KCNN2: variants seen among roughly 807,000 people sequenced by gnomAD.
KCNN2 encodes the protein potassium calcium-activated channel subfamily N member 2, also known as small conductance calcium-activated potassium channel protein 2.
In KCNN2, 24 loss-of-function variants were observed where a neutral mutation model predicts 55.5. The observed-to-expected ratio is 0.43, with a 90% CI of 0.31 to 0.61. The LOEUF (loss-of-function observed/expected upper bound fraction) is 0.61, where lower values mean the gene tolerates loss of function less well. KCNN2 is among the 20% of genes least tolerant of loss of function. The pLI, the probability that KCNN2 is intolerant of heterozygous loss-of-function variation, is 0.08. For synonymous variants in KCNN2, 431 were observed against 336.1 expected (o/e 1.28, Z -3.09); for missense variants, 754 against 853.6 (o/e 0.88, Z 1.45).
At chr5:114,157,493 T>C (rs1752661491) in intron 1 of KCNN2, among the ~76,000 whole-genome samples, 1 of 152,210 alleles carries the variant, frequency 6.6e-6, no homozygotes, top group South Asian at 2.1e-4. Context: ...TATAGCAGCA[T>C]GATTTATAAT....
intron 2 of KCNN2, among the ~76,000 whole-genome samples, chr5:114,226,610 A>G (rs1754241275): frequency 6.6e-6 from 1 of 152,166 alleles, no homozygotes; most frequent in Non-Finnish European, 1.5e-5. Flanking sequence ...ACTGTCATGT[A>G]AAGAAATATT....
intron 2 of KCNN2, among the ~76,000 whole-genome samples, chr5:114,229,517 T>TA (rs1018256994): frequency 7.9e-5 from 12 of 152,136 alleles, no homozygotes; most frequent in Middle Eastern, 3.4e-3. Flanking sequence ...AGTTTTTCCT[T>TA]AAAAAATTCT....
intron 2 of KCNN2, among the ~76,000 whole-genome samples, chr5:114,292,133 C>T (rs1302009536): frequency 1.3e-5 from 2 of 152,140 alleles, no homozygotes; most frequent in East Asian, 1.9e-4. Context: ...TTCTCCCATT[C>T]TGTAGGTTGC....
intron 2 of KCNN2, among the ~76,000 whole-genome samples, chr5:114,265,612 G>A (rs185403763): frequency 8.9e-4 from 136 of 152,174 alleles, no homozygotes; most frequent in Non-Finnish European, 1.3e-3. Context: ...TGTATTCTTT[G>A]GTCTTTGATT....
At chr5:114,238,134 A>T (rs1335400330) in intron 2 of KCNN2, among the ~76,000 whole-genome samples, 2 of 152,214 alleles carry the variant, frequency 1.3e-5, no homozygotes, top group Non-Finnish European at 2.9e-5. Flanking sequence ...TCACATGCAG[A>T]AGGGCAGAGT....
intron 2 of KCNN2, among the ~76,000 whole-genome samples, chr5:114,345,308 A>C (rs1757086595): frequency 6.6e-6 from 1 of 152,254 alleles, no homozygotes; most frequent in Admixed American, 6.5e-5. Context: ...AGCAGAATCT[A>C]ATAAAATTGG....
chr5:114,182,245 T>C (rs1753254852), intron 1 of KCNN2, among the ~76,000 whole-genome samples: 1 of 152,138 alleles, frequency 6.6e-6, no homozygotes, highest in African/African-American at 2.4e-5. Context: ...CTTTGTTTCA[T>C]TGATCTAGTT....
chr5:114,127,296 CT>C (rs1246735418), intron 1 of KCNN2, among the ~76,000 whole-genome samples: 4 of 152,208 alleles, frequency 2.6e-5, no homozygotes, highest in Non-Finnish European at 4.4e-5. Flanking sequence ...GGCTCTACCC[CT>C]GAAACAGACT....
In KCNN2 at chr5:114,335,900, A is replaced by G. The variant is rs535803620; in HGVS notation, c.-184-25045A>G. Among the ~76,000 whole-genome samples the G allele has an allele frequency of 1.4e-4, 22 of 152,348 alleles. No homozygotes were observed. The South Asian group carries it at 3.3e-3, about 23-fold the overall frequency. ...GTTTCAGAAACTACGAGGTCATGTGAGATTAAGAATGAGAAAAAGTCTTTA... is the reference window on the plus strand; with the variant it reads ...GTTTCAGAAACTACGAGGTCATGTGGGATTAAGAATGAGAAAAAGTCTTTA... On this transcript the variant is annotated intron_variant, in intron 2 of 10. Coordinates refer to the KCNN2 transcript ENST00000512097.
At chr5:114,071,879 AGT>A (rs1201467242) in intron 1 of KCNN2, among the ~76,000 whole-genome samples, 1 of 152,232 alleles carries the variant, frequency 6.6e-6, no homozygotes. Context: ...CCAATGCAAC[AGT>A]GTTGGGAGGT....
chr5:114,166,500 G>A (rs902288396), intron 1 of KCNN2, among the ~76,000 whole-genome samples: 3 of 152,084 alleles, frequency 2.0e-5, no homozygotes, highest in African/African-American at 4.8e-5. Context: ...CTACTAACTG[G>A]TAAAACAATG....
intron 2 of KCNN2, among the ~76,000 whole-genome samples, chr5:114,308,864 A>C (rs1213234251): frequency 6.6e-6 from 1 of 152,206 alleles, no homozygotes; most frequent in Non-Finnish European, 1.5e-5. Flanking sequence ...ATATTATGCT[A>C]CATTATTCCT....
At chr5:114,437,816 C>T (rs1760061153) in intron 3 of KCNN2, among the ~76,000 whole-genome samples, 1 of 152,090 alleles carries the variant, frequency 6.6e-6, no homozygotes, top group Non-Finnish European at 1.5e-5. Flanking sequence ...TGTCTATTTG[C>T]CTGGGTGATA....
rs73782162 is a variant in KCNN2 at position 114,117,813 on chromosome 5, C to G, written c.-271+61313C>G. On this transcript the variant is annotated intron_variant, in intron 1 of 10. Coordinates refer to the KCNN2 transcript ENST00000512097. The stretch of plus-strand genomic sequence containing the variant: ...CACTGTGCCACATGTTTGACATGCA[C>G]TATCTCATTTAATCCCTTGATCTTC... Among the ~76,000 whole-genome samples the G allele has an allele frequency of 7.2e-3, 1,097 of 152,274 alleles. 14 individuals carry two copies. The highest frequency in any genetic ancestry group is 0.025 in the African/African-American group (1,032 of 41,566).
At chr5:114,462,621 G>T (rs1400025747) in intron 3 of KCNN2, among the ~76,000 whole-genome samples, 1 of 152,140 alleles carries the variant, frequency 6.6e-6, no homozygotes, top group African/African-American at 2.4e-5. Context: ...GGAAATCGAG[G>T]TAGCAAAGGC....
chr5:114,355,218 G>T (rs1325531350), intron 2 of KCNN2, among the ~76,000 whole-genome samples: 1 of 152,104 alleles, frequency 6.6e-6, no homozygotes, highest in Non-Finnish European at 1.5e-5. Context: ...AGCCTGTTTG[G>T]CAAGAGGTAG....
At chr5:114,099,050 A>G (rs1751321035) in intron 1 of KCNN2, among the ~76,000 whole-genome samples, 1 of 152,140 alleles carries the variant, frequency 6.6e-6, no homozygotes, top group Non-Finnish European at 1.5e-5. Flanking sequence ...ATTTTACCAC[A>G]TATTAGGCTT....
chr5:114,180,536 A>T, intron 1 of KCNN2, among the ~76,000 whole-genome samples: 1 of 152,164 alleles, frequency 6.6e-6, no homozygotes, highest in African/African-American at 2.4e-5. Flanking sequence ...TAATCTTTTA[A>T]ATAAAAGCCA....
chr5:114,064,124 A>G (rs1458788022), intron 1 of KCNN2, among the ~76,000 whole-genome samples: 1 of 152,174 alleles, frequency 6.6e-6, no homozygotes, highest in Non-Finnish European at 1.5e-5. Flanking sequence ...CTGGATGCTT[A>G]TAGTTTTAAA....
Sources: gnomAD v4.1 joint callset for allele counts (sites outside exome capture counted in the v4.1 genomes callset) on GRCh38, gnomAD v4.1.1 for gene constraint, MANE v1.5 for transcripts, NCBI Gene and HGNC (gene_info 2026-07-23, HGNC 2026-07-21) for gene names.